The following MYBL1 variants were observed in gnomAD, a reference collection of about 807,000 sequenced individuals.
MYBL1 encodes myb-related protein A.
MYBL1 carries 17 observed loss-of-function variants against 96.3 expected under a neutral mutation model. The observed-to-expected ratio is 0.18, with a 90% confidence interval of 0.12 to 0.26. MYBL1 has a LOEUF of 0.26. Among genes scored for constraint, MYBL1 ranks in the 10% least tolerant of loss-of-function variants. The pLI, the probability that MYBL1 is intolerant of heterozygous loss-of-function variation, is 1.00. For synonymous variants in MYBL1, 282 were observed against 292.7 expected, an observed-to-expected ratio of 0.96 and a Z score of 0.37; for missense variants, 701 against 882.9, an observed-to-expected ratio of 0.79 and a Z score of 2.61.
intron 12 of MYBL1, among the ~76,000 whole-genome samples, chr8:66,568,437 T>C (rs994521146): frequency 6.6e-6 from 1 of 151,792 alleles, no homozygotes. Context: ...ACCGAGTAGC[T>C]AGCACAACCT....
chr8:66,609,393 C>A (rs1489262465), intron 1 of MYBL1, among the ~76,000 whole-genome samples: 1 of 151,462 alleles, frequency 6.6e-6, no homozygotes, highest in Non-Finnish European at 1.5e-5. Flanking sequence ...TTTTTAATCA[C>A]AAATTAACTC....
intron 8 of MYBL1, among the ~76,000 whole-genome samples, chr8:66,585,442 T>G (rs985342363): frequency 1.3e-5 from 2 of 152,138 alleles, no homozygotes; most frequent in Admixed American, 1.3e-4. Flanking sequence ...ATAAAACTAC[T>G]AGAAGAAAAC....
chr8:66,589,318 CTTT>C (rs201161062), intron 8 of MYBL1, among the ~76,000 whole-genome samples: 1 of 141,794 alleles, frequency 7.1e-6, no homozygotes, highest in African/African-American at 2.6e-5. Context: ...TTCTTTGTGG[CTTT>C]TTTTTTTTTG....
intron 8 of MYBL1, among the ~76,000 whole-genome samples, chr8:66,592,108 TAA>T (rs894472747): frequency 6.7e-6 from 1 of 150,364 alleles, no homozygotes; most frequent in South Asian, 2.1e-4. Context: ...TCTACAAAAA[TAA>T]AAAAAAATTG....
chr8:66,578,474 GAAA>G (rs1300394243), intron 9 of MYBL1, among the ~76,000 whole-genome samples: 1 of 152,188 alleles, frequency 6.6e-6, no homozygotes, highest in African/African-American at 2.4e-5. Flanking sequence ...AAAGACACTT[GAAA>G]AAATGCTCAT....
chr8:66,601,669 T>C, intron 3 of MYBL1, 29 bp downstream of exon 3: 1 of 1,277,936 alleles, frequency 7.8e-7, no homozygotes, highest in Non-Finnish European at 1.1e-6. Context: ...ACCAGCCATG[T>C]TAGAAATATA....
intron 3 of MYBL1, 34 bp downstream of exon 3, chr8:66,601,664 C>T (rs777632914): frequency 1.1e-5 from 14 of 1,219,146 alleles, no homozygotes; most frequent in Middle Eastern, 1.9e-4. Context: ...CTTAAACCAG[C>T]CATGTTAGAA....
chr8:66,602,719 ATATATATATATATATTTTTTT>A (rs1270341171), intron 1 of MYBL1, among the ~76,000 whole-genome samples, 196 bp from the exon 2 acceptor site: 1 of 40,248 alleles, frequency 2.5e-5, no homozygotes, highest in African/African-American at 1.2e-4. Context: ...ATATATATAT[ATATATATATATATATTTTTTT>A]TTTTTTTTTT....
At chr8:66,564,856 A>T in intron 15 of MYBL1, 31 bp from the exon 16 acceptor site, 1 of 1,464,092 alleles carries the variant, frequency 6.8e-7, no homozygotes, top group Non-Finnish European at 9.3e-7. Context: ...GTGACATGAA[A>T]ATTATTAAAA....
chr8:66,595,641 T>G lies in MYBL1; in HGVS notation c.629A>C (p.Lys210Thr), dbSNP rs374180384. 2 of 1,592,886 alleles carry G rather than the reference T, an allele frequency of 1.3e-6. No homozygotes were observed. The highest frequency in any genetic ancestry group is 8.6e-7 in the Non-Finnish European group (1 of 1,168,588). The change falls in exon 6 of 16, where the codon AAA becomes ACA. Residue 210 changes from lysine to threonine, a missense_variant. Physicochemically the swap from Lys to Thr is moderately conservative, Grantham distance 78. This residue lies in a region of MYBL1 where 396 missense variants were observed against 407.4 expected (regional missense o/e 0.97). Coordinates refer to ENST00000522677, the MANE Select transcript of MYBL1 (RefSeq NM_001080416.4). ...SERSSSKLQH[K>T]PCAAMDHMQT... is the part of the protein sequence containing the mutation. Reference sequence around the variant, plus strand: ...CATATGATCCATAGCTGCACAAGGTTTGTGTTGAAGTTTAGATGAAGATCG... The same window carrying G: ...CATATGATCCATAGCTGCACAAGGTGTGTGTTGAAGTTTAGATGAAGATCG...
intron 10 of MYBL1, 47 bp downstream of exon 10, chr8:66,575,960 T>C (rs1038249721): frequency 1.2e-5 from 19 of 1,552,668 alleles, no homozygotes; most frequent in Middle Eastern, 1.7e-4. Flanking sequence ...TCTAATTTAA[T>C]GTAACTCATT....
At chr8:66,593,943 C>CA (rs1391972694) in intron 6 of MYBL1, among the ~76,000 whole-genome samples, 1 of 151,968 alleles carries the variant, frequency 6.6e-6, no homozygotes, top group African/African-American at 2.4e-5. Context: ...CAAGACCAGC[C>CA]TGGGCAACAT....
chr8:66,611,269 T>C (rs554761402), intron 1 of MYBL1, among the ~76,000 whole-genome samples: 1 of 152,330 alleles, frequency 6.6e-6, no homozygotes, highest in South Asian at 2.1e-4. Flanking sequence ...AATAAACTTG[T>C]TATTGAGTTA....
intron 3 of MYBL1, among the ~76,000 whole-genome samples, chr8:66,599,994 A>T (rs1264104745): frequency 1.3e-5 from 2 of 152,252 alleles, no homozygotes; most frequent in African/African-American, 4.8e-5. Context: ...GATGAATGTT[A>T]CATTTCAATT....
At chr8:66,588,509 G>A (rs1586578756) in intron 8 of MYBL1, among the ~76,000 whole-genome samples, 1 of 151,864 alleles carries the variant, frequency 6.6e-6, no homozygotes, top group South Asian at 2.1e-4. Context: ...CGAACTCCTG[G>A]CCTCAAGTAA....
intron 8 of MYBL1, among the ~76,000 whole-genome samples, chr8:66,580,955 G>A (rs1809186458): frequency 6.6e-6 from 1 of 151,560 alleles, no homozygotes; most frequent in African/African-American, 2.4e-5. Context: ...CCACCTCCTG[G>A]GTTCAAGCAA....
Position 66,566,051 on chromosome 8 carries a change from T to C in MYBL1, c.2130+13A>G. The C allele has an allele frequency of 6.8e-7, 1 of 1,473,356 alleles. No homozygotes were observed. The allele number at this position is 1,473,356 out of a possible 1,614,324, so 91.3% of individuals were successfully genotyped here. The stretch of plus-strand genomic sequence containing the variant: ...AAAAACAAAAATCACTAAAGAAATT[T>C]ATAAATCCATACCTGAAGATTCTTT... On this transcript the variant is annotated intron_variant, in intron 15 of 15. Coordinates refer to ENST00000522677, the MANE Select transcript of MYBL1 (RefSeq NM_001080416.4).
In MYBL1 at chr8:66,610,493, T is replaced by C. The variant is rs190959794; in HGVS notation, c.20+2326A>G. 4.7e-4 allele frequency among the ~76,000 whole-genome samples: 72 copies of C among 152,112 alleles called. 1 individual carries two copies. Among genetic ancestry groups the C allele is most frequent in the Middle Eastern group, 6.8e-3 (2 of 294 alleles). The stretch of plus-strand genomic sequence containing the variant: ...GGCAAAACTTTTATACAGCAAAGTA[T>C]AGTTTTCACTTGAACGCTTAAGTGG... On this transcript the variant is annotated intron_variant, in intron 1 of 15. Coordinates refer to ENST00000522677, the MANE Select transcript of MYBL1 (RefSeq NM_001080416.4).
At chr8:66,572,625 T>C in intron 11 of MYBL1, 29 bp from the exon 12 acceptor site, 6 of 1,143,420 alleles carry the variant, frequency 5.2e-6, no homozygotes, top group Non-Finnish European at 7.5e-6. Context: ...ATTTATGTTA[T>C]AGTCACGATC....
Sources: allele counts gnomAD v4.1 joint callset (sites outside exome capture counted in the v4.1 genomes callset), GRCh38; gene constraint gnomAD v4.1.1; regional missense constraint gnomAD v4.1.1; transcripts MANE v1.5; gene names NCBI Gene and HGNC (gene_info 2026-07-23, HGNC 2026-07-21).